Variants in SOS1 observed in about 807,000 individuals in gnomAD.
SOS1 encodes the protein son of sevenless homolog 1.
In SOS1, 25 loss-of-function variants were observed where a neutral mutation model predicts 157.6. The ratio of observed to expected loss-of-function variants is 0.16; its 90% CI spans 0.12 to 0.22. The LOEUF (loss-of-function observed/expected upper bound fraction) is 0.22. Among genes scored for constraint, SOS1 ranks in the 10% least tolerant of loss-of-function variants. The pLI, the probability that SOS1 is intolerant of heterozygous loss-of-function variation, is 1.00. For missense variants in SOS1, 1,237 were observed against 1,599.1 expected, an observed-to-expected ratio of 0.77 and a Z score of 3.86; for synonymous variants, 528 against 534.0, an observed-to-expected ratio of 0.99 and a Z score of 0.16.
chr2:38,992,752 A>G (rs1668771642), intron 20 of SOS1: 2 of 150,576 alleles, frequency 1.3e-5, no homozygotes, highest in Non-Finnish European at 2.9e-5. Flanking sequence ...TGCTCTAGGG[A>G]AAAAATCCTG....
intron 8 of SOS1, among the ~76,000 whole-genome samples, chr2:39,033,008 C>T (rs962356040): frequency 3.3e-5 from 5 of 151,160 alleles, no homozygotes; most frequent in Non-Finnish European, 7.4e-5. Context: ...TAATATGAAC[C>T]GGGATACCCA....
chr2:39,068,493 A>C (rs936073420), intron 1 of SOS1, among the ~76,000 whole-genome samples: 1 of 152,196 alleles, frequency 6.6e-6, no homozygotes, highest in African/African-American at 2.4e-5. Context: ...CAGGAGGGGC[A>C]TGTCTCATCA....
chr2:39,110,029 TGTGTGTGTGC>T (rs1258782907), intron 1 of SOS1, among the ~76,000 whole-genome samples: 30 of 125,142 alleles, frequency 2.4e-4, no homozygotes, highest in African/African-American at 1.0e-3. Flanking sequence ...GATACAGTTG[TGTGTGTGTGC>T]GTGTGTGTGT....
chr2:39,050,871 C>T (rs1670988617), intron 6 of SOS1, among the ~76,000 whole-genome samples: 1 of 152,126 alleles, frequency 6.6e-6, no homozygotes, highest in South Asian at 2.1e-4. Context: ...ATTGACATTT[C>T]TTAACGTTTT....
intron 8 of SOS1, among the ~76,000 whole-genome samples, chr2:39,025,485 G>A (rs1269731360): frequency 3.3e-5 from 5 of 151,290 alleles, no homozygotes; most frequent in African/African-American, 7.3e-5. Flanking sequence ...GAGTAGCTGC[G>A]ATTACGGGTG....
At chr2:39,033,936 T>A (rs947370210) in intron 8 of SOS1, among the ~76,000 whole-genome samples, 5 of 151,716 alleles carry the variant, frequency 3.3e-5, no homozygotes, top group East Asian at 3.8e-4. Context: ...AAAAAAAAAA[T>A]CCCGTTATTA....
intron 8 of SOS1, among the ~76,000 whole-genome samples, chr2:39,030,343 C>T (rs1670116420): frequency 1.3e-5 from 2 of 151,556 alleles, no homozygotes; most frequent in South Asian, 4.2e-4. Context: ...GTGGGAAGAT[C>T]CCTTGAGCCC....
intron 11 of SOS1, among the ~76,000 whole-genome samples, chr2:39,014,462 T>A (rs1669568163): frequency 6.6e-6 from 1 of 152,138 alleles, no homozygotes; most frequent in African/African-American, 2.4e-5. Context: ...GAAAACTTAC[T>A]TAGAACATCT....
chr2:39,048,562 C>T (rs566152973), intron 6 of SOS1, among the ~76,000 whole-genome samples: 4 of 151,832 alleles, frequency 2.6e-5, no homozygotes, highest in South Asian at 2.1e-4. Flanking sequence ...CACCATGCCT[C>T]GCTAATTTTT....
In SOS1 at chr2:39,010,617, C is replaced by T; in HGVS notation, c.2477G>A (p.Arg826Gln). The T allele has an allele frequency of 6.2e-7, 1 of 1,610,580 alleles. No homozygotes were observed. The change falls in exon 15 of 23, where the codon CGA becomes CAA. Residue 826 changes from arginine to glutamine, a missense_variant. By Grantham distance (43) the Arg-to-Gln change is conservative. Around this residue, in one of 15 missense-constraint regions of SOS1, gnomAD observed 105 missense variants for 236.0 expected, o/e 0.44. Coordinates refer to ENST00000402219, the MANE Select transcript of SOS1 (RefSeq NM_005633.4). ...CCACAGAGTGAGGTTGGTGGTATGTCGAATCATTTTCAGAAGATTAGGAGA... is the reference window on the plus strand; with the variant it reads ...CCACAGAGTGAGGTTGGTGGTATGTTGAATCATTTTCAGAAGATTAGGAGA... ...INSPNLLKMIRHTTNLTLWFE... is the reference protein window; with the variant it reads ...INSPNLLKMIQHTTNLTLWFE...
chr2:38,991,583 G>C (rs1049291864), intron 20 of SOS1, among the ~76,000 whole-genome samples: 1 of 152,158 alleles, frequency 6.6e-6, no homozygotes, highest in Non-Finnish European at 1.5e-5. Flanking sequence ...GGTGGACCTG[G>C]CCAGGGCAAG....
At chr2:39,101,968 G>A (rs571172773) in intron 1 of SOS1, among the ~76,000 whole-genome samples, 62 of 151,934 alleles carry the variant, frequency 4.1e-4, no homozygotes, top group Admixed American at 7.9e-4. Flanking sequence ...AGCACTTTGG[G>A]AGGCTGAGGT....
At chr2:39,120,085 A>G (rs1673808520) in intron 1 of SOS1, among the ~76,000 whole-genome samples, 1 of 152,084 alleles carries the variant, frequency 6.6e-6, no homozygotes, top group Non-Finnish European at 1.5e-5. Flanking sequence ...AGGGCAAAGC[A>G]TTCACCTCTC....
Position 39,114,442 on chromosome 2 carries a change from T to A in SOS1, c.87+5894A>T, listed in dbSNP as rs191397224. ...CCTCAGCCTCCTGAGTAGCTAGGAT[T>A]ACAGGCATGCGCCACCACGCCCAGC... On this transcript the variant is annotated intron_variant, in intron 1 of 22. Transcript: ENST00000402219. 3.3e-4 allele frequency among the ~76,000 whole-genome samples: 51 copies of A among 152,260 alleles called. No individual in the cohort carries two copies. In the East Asian group the frequency reaches 9.7e-3, roughly 29 times the overall value.
chr2:38,994,391 C>G (rs1005541628), intron 20 of SOS1, among the ~76,000 whole-genome samples: 13 of 152,120 alleles, frequency 8.5e-5, no homozygotes, highest in Admixed American at 2.0e-4. Flanking sequence ...CTGAAAAGCA[C>G]AGATAGTGTA....
At position 39,041,208 on chromosome 2, in the gene SOS1, C is replaced by A. The variant is rs557097649; in HGVS notation, c.865-5708G>T. ...GAGTAGCTGAGACCACAGGTGCACA[C>A]CACCATCCTGGGCAAATTTTCTAAT... On this transcript the variant is annotated intron_variant, in intron 6 of 22. Transcript: ENST00000402219. Among the ~76,000 whole-genome samples, 3 of 152,142 alleles carry A rather than the reference C, an allele frequency of 2.0e-5. No individual in the cohort carries two copies. In the South Asian group the frequency reaches 6.2e-4, roughly 32 times the overall value.
chr2:38,995,584 T>G (rs935231705), intron 19 of SOS1, among the ~76,000 whole-genome samples, 197 bp from the exon 20 acceptor site: 2 of 152,184 alleles, frequency 1.3e-5, no homozygotes, highest in African/African-American at 2.4e-5. Flanking sequence ...TCTAAATTGT[T>G]AAAGAATGCA....
chr2:39,004,266 G>C (rs985770013), intron 17 of SOS1, among the ~76,000 whole-genome samples: 3 of 151,628 alleles, frequency 2.0e-5, no homozygotes, highest in African/African-American at 7.3e-5. Flanking sequence ...ATACAAAAAA[G>C]AAATTAGCTG....
chr2:39,095,217 A>G (rs1307959112), intron 1 of SOS1, among the ~76,000 whole-genome samples: 1 of 151,794 alleles, frequency 6.6e-6, no homozygotes, highest in Admixed American at 6.6e-5. Context: ...ACCCTCCAGT[A>G]GACACCAGAT....
Sources: gnomAD v4.1 joint callset for allele counts (sites outside exome capture counted in the v4.1 genomes callset) on GRCh38, gnomAD v4.1.1 for gene constraint, gnomAD v4.1.1 regional missense constraint, MANE v1.5 for transcripts, NCBI Gene and HGNC (gene_info 2026-07-23, HGNC 2026-07-21) for gene names.